Variants in TRPS1 observed in about 807,000 individuals in gnomAD.
The protein encoded by TRPS1 is transcriptional repressor GATA binding 1, also known as zinc finger transcription factor Trps1.
Under a neutral mutation model 101.2 loss-of-function variants are expected in TRPS1, and 6 were observed. The ratio of observed to expected loss-of-function variants is 0.06; its 90% confidence interval spans 0.03 to 0.12. TRPS1 has a LOEUF of 0.12. Among genes scored for constraint, TRPS1 ranks in the 10% least tolerant of loss-of-function variants. The pLI, the probability that TRPS1 is intolerant of heterozygous loss-of-function variation, is 1.00. For missense variants in TRPS1, 1,363 were observed against 1,567.0 expected, an observed-to-expected ratio of 0.87 and a Z score of 2.20; for synonymous variants, 578 against 589.8, an observed-to-expected ratio of 0.98 and a Z score of 0.29.
chr8:115,413,503 A>G lies in TRPS1; in HGVS notation c.*520T>C, dbSNP rs1011463850. ...GAAACATGGCCAATGAGAGAAGACT[A>G]AATTGAGAGGGCGCCATTTTTCTTT... On this transcript the variant is annotated 3_prime_UTR_variant, in exon 7 of 7. Transcript: ENST00000395715. 1.3e-5 allele frequency: 2 copies of G among 153,330 alleles called. No homozygotes were observed. Among genetic ancestry groups the G allele is most frequent in the African/African-American group, 4.8e-5 (2 of 41,436 alleles). 9.5% of individuals were successfully genotyped at this position (153,330 alleles called of 1,614,324 possible).
At chr8:115,540,574 T>C (rs1281718555) in intron 5 of TRPS1, among the ~76,000 whole-genome samples, 1 of 151,982 alleles carries the variant, frequency 6.6e-6, no homozygotes, top group Non-Finnish European at 1.5e-5. Context: ...TAGTAGTCAG[T>C]TAACTGAAAA....
rs11993623 is a variant in TRPS1, at chr8:115,423,290, G to T, written c.2701-4838C>A. On this transcript the variant is annotated intron_variant, in intron 5 of 6. Coordinates refer to ENST00000395715, the MANE Select transcript of TRPS1 (RefSeq NM_014112.5). ...TGTCTCCAGGCCATTTCCGTTGGCTGGTAATTTCCTATGTGAAAAAGGATG... is the reference window on the plus strand; with the variant it reads ...TGTCTCCAGGCCATTTCCGTTGGCTTGTAATTTCCTATGTGAAAAAGGATG... Among the ~76,000 whole-genome samples the T allele has an allele frequency of 8.6e-3, 1,305 of 152,296 alleles. 24 individuals carry two copies. Among genetic ancestry groups the T allele is most frequent in the African/African-American group, 0.03 (1,251 of 41,552 alleles).
At chr8:115,667,757 C>T (rs991928935) in intron 1 of TRPS1, 22 of 1,367,418 alleles carry the variant, frequency 1.6e-5, no homozygotes, top group Admixed American at 1.4e-4. Flanking sequence ...AGTTTGAAGC[C>T]TGCATTTGCA....
intron 5 of TRPS1, among the ~76,000 whole-genome samples, chr8:115,510,252 C>G (rs1371854380): frequency 6.6e-6 from 1 of 151,928 alleles, no homozygotes; most frequent in African/African-American, 2.4e-5. Flanking sequence ...TAAAGAAACA[C>G]TGGATCTGTA....
intron 1 of TRPS1, among the ~76,000 whole-genome samples, chr8:115,658,467 C>T (rs1811724808): frequency 6.6e-6 from 1 of 152,090 alleles, no homozygotes; most frequent in Non-Finnish European, 1.5e-5. Context: ...TCCTAGTCCC[C>T]CTTCTGTTCA....
intron 5 of TRPS1, among the ~76,000 whole-genome samples, chr8:115,557,024 C>T (rs758333539): frequency 3.3e-5 from 5 of 152,090 alleles, no homozygotes; most frequent in African/African-American, 9.7e-5. Context: ...CTGAAGAGGC[C>T]TCACAATCAA....
At chr8:115,430,696 T>C (rs1047436693) in intron 5 of TRPS1, among the ~76,000 whole-genome samples, 1 of 152,156 alleles carries the variant, frequency 6.6e-6, no homozygotes, top group African/African-American at 2.4e-5. Flanking sequence ...TGGCATACGT[T>C]GGTTATGTAT....
intron 5 of TRPS1, among the ~76,000 whole-genome samples, chr8:115,542,726 G>A (rs1816483303): frequency 6.6e-6 from 1 of 152,120 alleles, no homozygotes; most frequent in African/African-American, 2.4e-5. Flanking sequence ...TGGGGATGAT[G>A]ATACTCACCT....
At chr8:115,521,277 C>T (rs1815854034) in intron 5 of TRPS1, among the ~76,000 whole-genome samples, 1 of 151,822 alleles carries the variant, frequency 6.6e-6, no homozygotes, top group African/African-American at 2.4e-5. Flanking sequence ...TTGGTAATCT[C>T]TAACTACGAT....
At chr8:115,596,096 C>T (rs888455368) in intron 4 of TRPS1, among the ~76,000 whole-genome samples, 13 of 152,020 alleles carry the variant, frequency 8.6e-5, no homozygotes, top group Non-Finnish European at 1.5e-4. Flanking sequence ...CCAATGTCAA[C>T]TCTTTCAGTC....
intron 5 of TRPS1, among the ~76,000 whole-genome samples, chr8:115,578,706 T>C (rs1158721623): frequency 6.6e-6 from 1 of 152,118 alleles, no homozygotes; most frequent in South Asian, 2.1e-4. Flanking sequence ...ACATAAAGGA[T>C]ACATTAGATG....
At chr8:115,456,545 A>G (rs550591362) in intron 5 of TRPS1, among the ~76,000 whole-genome samples, 20 of 152,328 alleles carry the variant, frequency 1.3e-4, no homozygotes, top group African/African-American at 4.3e-4. Flanking sequence ...TAAGTAACAG[A>G]ATAAATATAC....
chr8:115,660,238 T>A (rs1811761227), intron 1 of TRPS1, among the ~76,000 whole-genome samples: 2 of 152,008 alleles, frequency 1.3e-5, no homozygotes. Flanking sequence ...TAGAATCTAA[T>A]CAGGAAGCAC....
chr8:115,622,154 A>T (rs1034230435), intron 2 of TRPS1, among the ~76,000 whole-genome samples: 1 of 152,114 alleles, frequency 6.6e-6, no homozygotes, highest in Non-Finnish European at 1.5e-5. Context: ...GTGTCATTCT[A>T]TTAGGCCCTA....
intron 5 of TRPS1, among the ~76,000 whole-genome samples, chr8:115,475,004 A>G (rs1402033788): frequency 6.6e-6 from 1 of 152,006 alleles, no homozygotes; most frequent in Non-Finnish European, 1.5e-5. Context: ...CTGAACAAAA[A>G]TATGGAAAGC....
chr8:115,452,164 T>C (rs1330150020), intron 5 of TRPS1, among the ~76,000 whole-genome samples: 1 of 152,260 alleles, frequency 6.6e-6, no homozygotes, highest in Non-Finnish European at 1.5e-5. Flanking sequence ...GTTTTAAATT[T>C]CAAGCCAGAG....
chr8:115,548,778 G>C lies in TRPS1; in HGVS notation c.2700+38223C>G, dbSNP rs188474121. On this transcript the variant is annotated intron_variant, in intron 5 of 6. Coordinates refer to ENST00000395715, the MANE Select transcript of TRPS1 (RefSeq NM_014112.5). ...TAAGACTACATTCAAATTCATAAAA[G>C]AATTAGTAAAGGATGAAAAATATTC... 9.3e-4 allele frequency among the ~76,000 whole-genome samples: 141 copies of C among 152,306 alleles called. 1 individual carries two copies. The highest frequency in any genetic ancestry group is 4.6e-3 in the South Asian group (22 of 4,832).
intron 1 of TRPS1, among the ~76,000 whole-genome samples, chr8:115,665,155 T>C (rs1811891797): frequency 6.6e-6 from 1 of 152,184 alleles, no homozygotes; most frequent in Non-Finnish European, 1.5e-5. Flanking sequence ...AGGTCAGTTA[T>C]CAGCATTTAT....
At chr8:115,580,989 G>A (rs1164907547) in intron 5 of TRPS1, among the ~76,000 whole-genome samples, 1 of 152,056 alleles carries the variant, frequency 6.6e-6, no homozygotes, top group Non-Finnish European at 1.5e-5. Context: ...TCAAGATACG[G>A]AATCAGCCTA....
Sources: gnomAD v4.1 joint callset for allele counts (sites outside exome capture counted in the v4.1 genomes callset) on GRCh38, gnomAD v4.1.1 for gene constraint, MANE v1.5 for transcripts, NCBI Gene and HGNC (gene_info 2026-07-23, HGNC 2026-07-21) for gene names.